ZFAT: variants seen among roughly 807,000 people sequenced by gnomAD.
ZFAT encodes the protein zinc finger and AT-hook domain containing.
ZFAT carries 64 observed loss-of-function variants against 117.7 expected under a neutral mutation model. The observed-to-expected ratio is 0.54, with a 90% CI of 0.44 to 0.67. The LOEUF (loss-of-function observed/expected upper bound fraction) is 0.67, where lower values mean the gene tolerates loss of function less well. Ranked by LOEUF, ZFAT falls within the 30% of genes least tolerant of loss-of-function variation. The pLI, the probability that ZFAT is intolerant of heterozygous loss-of-function variation, is 0.00. For synonymous variants in ZFAT, 679 were observed against 615.0 expected (o/e 1.10, Z -1.54); for missense variants, 1,433 against 1,584.5 (o/e 0.90, Z 1.62).
intron 1 of ZFAT, among the ~76,000 whole-genome samples, chr8:134,700,001 C>T (rs906644048): frequency 2.0e-5 from 3 of 152,318 alleles, no homozygotes; most frequent in Non-Finnish European, 2.9e-5. Context: ...TGATACTCCC[C>T]GACAGACTTT....
At chr8:134,571,153 G>A (rs1195504555) in intron 10 of ZFAT, among the ~76,000 whole-genome samples, 2 of 152,182 alleles carry the variant, frequency 1.3e-5, no homozygotes, top group Non-Finnish European at 2.9e-5. Flanking sequence ...TCACCTAAAT[G>A]GACAACCAGC....
rs1361537034 is a variant in ZFAT at position 134,602,794 on chromosome 8, C to T, written c.925G>A (p.Ala309Thr). ...TGCACATTGAGGTTGGCCTTGATGGCACTGGCATAGCTGCACTGGGGGCAC... is the reference window on the plus strand; with the variant it reads ...TGCACATTGAGGTTGGCCTTGATGGTACTGGCATAGCTGCACTGGGGGCAC... ...YKCPQCSYASAIKANLNVHLR... is the reference protein window; with the variant it reads ...YKCPQCSYASTIKANLNVHLR... The change falls in exon 6 of 16, where the codon GCC becomes ACC. Residue 309 changes from alanine (A) to threonine (T), a missense_variant. Ala to Thr is a moderately conservative substitution (Grantham distance 58, BLOSUM62 0). Coordinates refer to ENST00000377838, the MANE Select transcript of ZFAT (RefSeq NM_020863.4). 3.7e-6 allele frequency: 6 copies of T among 1,614,220 alleles called. No homozygotes were observed. In the East Asian group the frequency reaches 1.1e-4, roughly 30 times the overall value.
chr8:134,645,214 A>T (rs951347198), intron 2 of ZFAT, among the ~76,000 whole-genome samples: 8 of 152,234 alleles, frequency 5.3e-5, no homozygotes, highest in Admixed American at 6.5e-5. Flanking sequence ...TAATAAATCA[A>T]TTACTACTCA....
chr8:134,728,792 C>T, the ZFAT span, among the ~76,000 whole-genome samples: 3 of 152,158 alleles, frequency 2.0e-5, no homozygotes, highest in African/African-American at 4.8e-5. Context: ...TTTGCACACA[C>T]GTATATAAGA....
chr8:134,569,578 T>A (rs1824727697), intron 10 of ZFAT, among the ~76,000 whole-genome samples: 1 of 152,110 alleles, frequency 6.6e-6, no homozygotes, highest in Non-Finnish European at 1.5e-5. Flanking sequence ...TCACCCTGAG[T>A]GACCCTGGGT....
intron 1 of ZFAT, among the ~76,000 whole-genome samples, chr8:134,678,268 G>A (rs1260715407): frequency 2.6e-5 from 4 of 152,136 alleles, no homozygotes; most frequent in Non-Finnish European, 4.4e-5. Flanking sequence ...TAAAATCAAC[G>A]TGCAAAAATC....
At position 134,695,973 on chromosome 8, in the gene ZFAT, G is replaced by A. The variant is rs1833818659; in HGVS notation, c.19+16872C>T. Among the ~76,000 whole-genome samples the A allele has an allele frequency of 2.0e-5, 3 of 151,234 alleles. 1 individual carries two copies. The Middle Eastern group carries it at 0.011, about 536-fold the overall frequency. ...CTAACCAAGGAGGAGCCCATCCGCA[G>A]GCCCAAGTCCCATCTCTAACGAATA... is the stretch of plus-strand genomic sequence containing the variant. On this transcript the variant is annotated intron_variant, in intron 1 of 15. Coordinates refer to ENST00000377838, the MANE Select transcript of ZFAT (RefSeq NM_020863.4).
chr8:134,632,523 A>G (rs778764651), intron 3 of ZFAT, among the ~76,000 whole-genome samples: 1 of 152,220 alleles, frequency 6.6e-6, no homozygotes, highest in Non-Finnish European at 1.5e-5. Context: ...CAAAAATGCA[A>G]TGTCCAAATG....
At chr8:134,809,446 T>C in the ZFAT span, among the ~76,000 whole-genome samples, 16 of 152,218 alleles carry the variant, frequency 1.1e-4, no homozygotes, top group African/African-American at 3.6e-4. Flanking sequence ...CTAAATAGTA[T>C]TTTAAGAAAT....
intron 2 of ZFAT, among the ~76,000 whole-genome samples, chr8:134,645,589 T>C (rs1352507506): frequency 1.3e-5 from 2 of 152,226 alleles, no homozygotes; most frequent in Non-Finnish European, 2.9e-5. Context: ...GATAAGAATT[T>C]GATTATTCCT....
chr8:134,739,514 A>G, the ZFAT span, among the ~76,000 whole-genome samples: 30 of 152,180 alleles, frequency 2.0e-4, no homozygotes, highest in African/African-American at 6.5e-4. Flanking sequence ...TTTTAAAATG[A>G]GGATAAAAGC....
the ZFAT span, among the ~76,000 whole-genome samples, chr8:134,772,706 C>G: frequency 9.4e-3 from 1,424 of 152,274 alleles, 6 homozygotes; most frequent in Middle Eastern, 0.017. Flanking sequence ...AAACAGCCTT[C>G]TCTTGGAACA....
chr8:134,570,147 C>T (rs891044638), intron 10 of ZFAT, among the ~76,000 whole-genome samples: 1 of 152,124 alleles, frequency 6.6e-6, no homozygotes, highest in Non-Finnish European at 1.5e-5. Context: ...TCCCAGAGCC[C>T]GGGGTGTCCA....
At chr8:134,639,743 C>G (rs1033651144) in intron 2 of ZFAT, 1 of 456,154 alleles carries the variant, frequency 2.2e-6, no homozygotes, top group African/African-American at 2.0e-5. Context: ...ATCAGAGAAG[C>G]AGAATTAGCA....
rs116957431 is a variant in ZFAT, at chr8:134,530,469, T to C, written c.3115+2365A>G. On this transcript the variant is annotated intron_variant, in intron 12 of 15. Coordinates refer to ENST00000377838, the MANE Select transcript of ZFAT (RefSeq NM_020863.4). Reference sequence around the variant, plus strand: ...ATAAGAACAATGTGAACTTTGTGCTTCTGAGATTTCAAAACTGTGTTCATA... The same window carrying C: ...ATAAGAACAATGTGAACTTTGTGCTCCTGAGATTTCAAAACTGTGTTCATA... Among the ~76,000 whole-genome samples the C allele has an allele frequency of 2.8e-3, 420 of 152,342 alleles. 2 individuals are homozygous for C. Among genetic ancestry groups the C allele is most frequent in the Admixed American group, 4.2e-3 (65 of 15,312 alleles).
chr8:134,594,396 T>C (rs1826761132), intron 7 of ZFAT, among the ~76,000 whole-genome samples: 1 of 152,262 alleles, frequency 6.6e-6, no homozygotes, highest in Non-Finnish European at 1.5e-5. Context: ...TTCGTCTACC[T>C]TCTCAGTGCT....
the ZFAT span, among the ~76,000 whole-genome samples, chr8:134,787,901 T>C: frequency 6.6e-6 from 1 of 152,172 alleles, no homozygotes; most frequent in African/African-American, 2.4e-5. Context: ...TTCTGATATA[T>C]AGAAATACAA....
chr8:134,606,774 G>A (rs933178214), intron 5 of ZFAT, among the ~76,000 whole-genome samples: 2 of 147,758 alleles, frequency 1.4e-5, no homozygotes, highest in South Asian at 4.4e-4. Context: ...ATACAAAATC[G>A]CTATAAAATA....
chr8:134,805,063 C>A, the ZFAT span: 1 of 304,360 alleles, frequency 3.3e-6, no homozygotes. Flanking sequence ...CATCTTGAAA[C>A]AAAAATGATA....
Sources: allele counts gnomAD v4.1 joint callset (sites outside exome capture counted in the v4.1 genomes callset), GRCh38; gene constraint gnomAD v4.1.1; transcripts MANE v1.5; gene names NCBI Gene and HGNC (gene_info 2026-07-23, HGNC 2026-07-21).